Variants in MACROD2 observed in about 807,000 individuals in gnomAD.
MACROD2 encodes the protein mono-ADP ribosylhydrolase 2, also known as ADP-ribose glycohydrolase MACROD2.
MACROD2 carries 36 observed loss-of-function variants against 70.4 expected under a neutral mutation model. That is an observed-to-expected ratio of 0.51 (90% CI 0.39 to 0.68). MACROD2 has a LOEUF of 0.68. MACROD2 is among the 30% of genes least tolerant of loss of function. The pLI is 0.00. For missense variants in MACROD2, 496 were observed against 538.4 expected, an observed-to-expected ratio of 0.92 and a Z score of 0.78; for synonymous variants, 172 against 178.8, an observed-to-expected ratio of 0.96 and a Z score of 0.30.
intron 6 of MACROD2, among the ~76,000 whole-genome samples, chr20:15,365,822 A>G (rs2423959): frequency 0.92 from 140,666 of 152,228 alleles, 65,063 homozygotes; most frequent in East Asian, 0.99. Context: ...ATTTAACCTG[A>G]TTGCAGTTAA....
In MACROD2 at chr20:15,590,896, AAG is replaced by A. The variant is rs374021454; in HGVS notation, c.645+91062_645+91063del. ...AAAAAAAAAAGAAAGAAAGAGAGAAAAGAGAGAGAGAGAGGAAGGAAGGAAAG... is the reference window on the plus strand; with the variant it reads ...AAAAAAAAAAGAAAGAAAGAGAGAAAAGAGAGAGAGAGGAAGGAAGGAAAG... On this transcript the variant is annotated intron_variant, in intron 8 of 17. Transcript: ENST00000684519. Among the ~76,000 whole-genome samples the A allele has an allele frequency of 5.9e-3, 883 of 150,770 alleles. 7 individuals are homozygous for A. Among genetic ancestry groups the A allele is most frequent in the Non-Finnish European group, 7.8e-3 (527 of 67,624 alleles).
chr20:15,933,438 A>G lies in MACROD2; in HGVS notation c.838+100A>G, dbSNP rs541649400. 114 of 1,065,470 alleles carry G rather than the reference A, an allele frequency of 1.1e-4. 1 individual carries two copies. The South Asian group carries it at 1.5e-3, about 14-fold the overall frequency. The allele number at this position is 1,065,470 out of a possible 1,614,324, so 66.0% of individuals were successfully genotyped here. A position where few individuals can be genotyped will look rare whatever the true frequency, so the allele number is the denominator to read the frequency against. On this transcript the variant is annotated intron_variant, in intron 11 of 17. Coordinates refer to ENST00000684519, the MANE Select transcript of MACROD2 (RefSeq NM_001351661.2). ...TTGTCTGAAAATGCTTATACATTTC[A>G]CCAGATGAACTCCAGTGTTCATTCA...
intron 5 of MACROD2, among the ~76,000 whole-genome samples, chr20:15,163,633 T>A (rs2076363134): frequency 6.6e-6 from 1 of 152,098 alleles, no homozygotes; most frequent in Non-Finnish European, 1.5e-5. Context: ...CAGCAAATTA[T>A]GGCTGACAGA....
intron 4 of MACROD2, among the ~76,000 whole-genome samples, chr20:14,630,473 A>G (rs1984447588): frequency 6.6e-6 from 1 of 152,246 alleles, no homozygotes; most frequent in Non-Finnish European, 1.5e-5. Context: ...AAGTGAAGTG[A>G]AGTAAAATTA....
chr20:14,927,439 T>C (rs1219774194), intron 5 of MACROD2, among the ~76,000 whole-genome samples: 1 of 152,128 alleles, frequency 6.6e-6, no homozygotes, highest in African/African-American at 2.4e-5. Context: ...ACTTACGACA[T>C]TAAAGTCCAG....
chr20:14,801,288 C>T lies in MACROD2; in HGVS notation c.418+116329C>T, dbSNP rs189695609. Among the ~76,000 whole-genome samples the T allele has an allele frequency of 3.1e-3, 472 of 152,204 alleles. 8 individuals carry two copies. The highest frequency in any genetic ancestry group is 5.4e-3 in the Non-Finnish European group (368 of 67,996). ...AGCGTGCTTCTCTACAGAAAAGCTA[C>T]TCTGTGTCTTTGCAAAATGACCCAA... On this transcript the variant is annotated intron_variant, in intron 5 of 17. Coordinates refer to ENST00000684519, the MANE Select transcript of MACROD2 (RefSeq NM_001351661.2).
At chr20:15,012,708 G>T (rs2075092179) in intron 5 of MACROD2, among the ~76,000 whole-genome samples, 1 of 152,120 alleles carries the variant, frequency 6.6e-6, no homozygotes, top group South Asian at 2.1e-4. Flanking sequence ...GCCACCACCT[G>T]CCTCACCCAC....
At chr20:14,801,156 G>T (rs549627003) in intron 5 of MACROD2, among the ~76,000 whole-genome samples, 2 of 152,244 alleles carry the variant, frequency 1.3e-5, no homozygotes, top group East Asian at 3.9e-4. Context: ...TCCCTAATTG[G>T]GATATTTGTT....
chr20:14,870,309 A>C (rs187082413), intron 5 of MACROD2, among the ~76,000 whole-genome samples: 1 of 152,270 alleles, frequency 6.6e-6, no homozygotes, highest in East Asian at 1.9e-4. Flanking sequence ...ATAGTATTCC[A>C]TGGTGTATAT....
At chr20:14,017,576 T>G (rs1433476575) in intron 2 of MACROD2, among the ~76,000 whole-genome samples, 1 of 152,156 alleles carries the variant, frequency 6.6e-6, no homozygotes, top group African/African-American at 2.4e-5. Context: ...TAGATGATCA[T>G]GTAGTTCACA....
At chr20:14,452,597 G>A (rs1227581339) in intron 3 of MACROD2, among the ~76,000 whole-genome samples, 1 of 152,100 alleles carries the variant, frequency 6.6e-6, no homozygotes, top group Non-Finnish European at 1.5e-5. Context: ...CATCTTTGAT[G>A]AAGTCGGGTC....
intron 8 of MACROD2, among the ~76,000 whole-genome samples, chr20:15,653,347 T>C (rs2049675310): frequency 6.6e-6 from 1 of 152,164 alleles, no homozygotes; most frequent in Non-Finnish European, 1.5e-5. Flanking sequence ...AGAAGAAAAA[T>C]ATATGGACAT....
At chr20:15,126,396 T>C (rs2076067434) in intron 5 of MACROD2, among the ~76,000 whole-genome samples, 1 of 152,048 alleles carries the variant, frequency 6.6e-6, no homozygotes, top group Non-Finnish European at 1.5e-5. Context: ...GTAGGTGTGA[T>C]GTGTTTGATT....
At chr20:15,831,238 C>T (rs2064053073) in intron 8 of MACROD2, among the ~76,000 whole-genome samples, 1 of 152,114 alleles carries the variant, frequency 6.6e-6, no homozygotes, top group Admixed American at 6.6e-5. Flanking sequence ...GTTCATGAGG[C>T]TGAGCTGTGT....
chr20:14,746,641 T>TA (rs568855022), intron 5 of MACROD2, among the ~76,000 whole-genome samples: 11 of 152,166 alleles, frequency 7.2e-5, no homozygotes, highest in Non-Finnish European at 1.5e-4. Context: ...TCTTATGGCC[T>TA]AATGTAAAAT....
chr20:14,432,141 C>T (rs1226314075), intron 3 of MACROD2, among the ~76,000 whole-genome samples: 1 of 152,108 alleles, frequency 6.6e-6, no homozygotes, highest in Admixed American at 6.5e-5. Context: ...ATGATGTGCT[C>T]GCCTGCTGTT....
At chr20:15,384,552 G>A (rs1307143546) in intron 6 of MACROD2, among the ~76,000 whole-genome samples, 2 of 152,082 alleles carry the variant, frequency 1.3e-5, no homozygotes, top group South Asian at 2.1e-4. Context: ...AGGTTGTATC[G>A]TGCAAACCTT....
At chr20:15,848,924 G>A (rs553648324) in intron 8 of MACROD2, among the ~76,000 whole-genome samples, 14 of 152,284 alleles carry the variant, frequency 9.2e-5, no homozygotes, top group Middle Eastern at 6.8e-3. Flanking sequence ...GTCTCCTCCA[G>A]GGATCTACCG....
intron 3 of MACROD2, among the ~76,000 whole-genome samples, chr20:14,293,038 C>T (rs114404024): frequency 0.012 from 1,868 of 151,870 alleles, 80 homozygotes; most frequent in African/African-American, 0.044. Context: ...AGATAGTATC[C>T]GCTCTTGGGA....
Sources: gnomAD v4.1 joint callset for allele counts (sites outside exome capture counted in the v4.1 genomes callset) on GRCh38, gnomAD v4.1.1 for gene constraint, MANE v1.5 for transcripts, NCBI Gene and HGNC (gene_info 2026-07-23, HGNC 2026-07-21) for gene names.